The following GALC variants were observed in gnomAD, a reference collection of about 807,000 sequenced individuals.
The protein encoded by GALC is galactocerebrosidase.
Under a neutral mutation model 91.8 loss-of-function variants are expected in GALC, and 77 were observed. The observed-to-expected ratio is 0.84, with a 90% CI of 0.70 to 1.01. The LOEUF is 1.01. Ranked by LOEUF, GALC falls within the 50% of genes least tolerant of loss-of-function variation. GALC has a pLI of 0.00. For missense variants in GALC, 882 were observed against 855.9 expected (o/e 1.03, Z -0.38); for synonymous variants, 357 against 306.7 (o/e 1.16, Z -1.71).
intron 14 of GALC, among the ~76,000 whole-genome samples, chr14:87,943,481 A>G (rs531433900): frequency 6.6e-6 from 1 of 152,142 alleles, no homozygotes; most frequent in Admixed American, 6.5e-5. Context: ...AAACTAAACA[A>G]ATTTCTCATT....
chr14:87,939,864 A>G (rs781025184), intron 16 of GALC, 41 bp downstream of exon 16: 11 of 1,302,262 alleles, frequency 8.4e-6, no homozygotes, highest in Non-Finnish European at 1.2e-5. Flanking sequence ...ATGCACAACA[A>G]AAGAGCATTT....
In GALC at chr14:87,936,921, T is replaced by TATATATATATATATATATATATATATATA. The variant is rs1176265523; in HGVS notation, c.1912-2044_1912-2043insTATATATATATATATATATATATATATAT. Among the ~76,000 whole-genome samples, 23 of 141,164 alleles carry TATATATATATATATATATATATATATATA rather than the reference T, an allele frequency of 1.6e-4. 1 individual carries two copies. Among genetic ancestry groups the TATATATATATATATATATATATATATATA allele is most frequent in the African/African-American group, 5.1e-4 (19 of 37,458 alleles). 92.6% of individuals were successfully genotyped at this position (141,164 alleles called of 152,430 possible). A position where few individuals can be genotyped will look rare whatever the true frequency, so the allele number is the denominator to read the frequency against. On this transcript the variant is annotated intron_variant, in intron 16 of 16. Coordinates refer to ENST00000261304, the MANE Select transcript of GALC (RefSeq NM_000153.4). ...CTATATATATATATATATTTATTTA[T>TATATATATATATATATATATATATATATA]TTTCTCATTGAATCTTCATAAGAAA... is the stretch of plus-strand genomic sequence containing the variant.
chr14:87,940,057 T>A, intron 15 of GALC, 76 bp from the exon 16 acceptor site: 2 of 1,160,172 alleles, frequency 1.7e-6, no homozygotes, highest in Non-Finnish European at 2.6e-6. Flanking sequence ...TCAGTGGGGT[T>A]CTTGAGTGGC....
intron 1 of GALC, among the ~76,000 whole-genome samples, chr14:87,991,647 T>G (rs1887205965): frequency 6.6e-6 from 1 of 152,242 alleles, no homozygotes; most frequent in African/African-American, 2.4e-5. Context: ...GCAAATATAA[T>G]GTTGCAAGAA....
chr14:87,963,979 T>C (rs540752569), intron 9 of GALC, among the ~76,000 whole-genome samples: 1 of 152,272 alleles, frequency 6.6e-6, no homozygotes, highest in East Asian at 1.9e-4. Context: ...CAATATACCA[T>C]GTCCCAACCC....
At chr14:87,941,093 C>T (rs1884827788) in intron 15 of GALC, among the ~76,000 whole-genome samples, 1 of 151,950 alleles carries the variant, frequency 6.6e-6, no homozygotes, top group South Asian at 2.1e-4. Context: ...CCTACCACCA[C>T]TACCTCAGAT....
chr14:87,951,869 A>G lies in GALC; in HGVS notation c.1162-1121T>C, dbSNP rs1885322792. 2.0e-5 allele frequency among the ~76,000 whole-genome samples: 3 copies of G among 152,004 alleles called. No homozygotes were observed. In the South Asian group the frequency reaches 6.2e-4, roughly 32 times the overall value. On this transcript the variant is annotated intron_variant, in intron 10 of 16. Transcript: ENST00000261304. ...GACATTTACAGCACTAAATACCTAG[A>G]TTAGAAACCAAGAAAGGATTTGAGA...
At chr14:87,936,897 T>C (rs895568137) in intron 16 of GALC, among the ~76,000 whole-genome samples, 8 of 8,032 alleles carry the variant, frequency 1.0e-3, no homozygotes, top group African/African-American at 1.3e-3. Flanking sequence ...TATCAGGTAC[T>C]ATATATATAT....
chr14:87,984,724 TATTG>T (rs1886899306), intron 4 of GALC, among the ~76,000 whole-genome samples, 191 bp from the exon 5 acceptor site: 1 of 152,228 alleles, frequency 6.6e-6, no homozygotes, highest in South Asian at 2.1e-4. Flanking sequence ...TATAATTCCT[TATTG>T]ATCCCTAGAG....
rs1595183313 is a variant in GALC, at chr14:87,934,596, C to A, written c.*136G>T. 5 of 1,521,728 alleles carry A rather than the reference C, an allele frequency of 3.3e-6. No homozygotes were observed. Among genetic ancestry groups the A allele is most frequent in the East Asian group, 2.4e-5 (1 of 41,468 alleles). The allele number at this position is 1,521,728 out of a possible 1,614,324, so 94.3% of individuals were successfully genotyped here. A position where few individuals can be genotyped will look rare whatever the true frequency, so the allele number is the denominator to read the frequency against. On this transcript the variant is annotated 3_prime_UTR_variant, in exon 17 of 17. Coordinates refer to ENST00000261304, the MANE Select transcript of GALC (RefSeq NM_000153.4). ...CACAGGGTAAATTAAAAATAAATTT[C>A]TCTCCCCTTTTACTCTTCATTATTT...
chr14:87,970,902 T>C (rs1255020596), intron 7 of GALC, among the ~76,000 whole-genome samples: 1 of 145,740 alleles, frequency 6.9e-6, no homozygotes, highest in African/African-American at 2.6e-5. Flanking sequence ...AAAAAGAATA[T>C]AAATTTTTAA....
chr14:87,938,479 T>C (rs1292791181), intron 16 of GALC, among the ~76,000 whole-genome samples: 1 of 151,984 alleles, frequency 6.6e-6, no homozygotes, highest in Non-Finnish European at 1.5e-5. Context: ...AACATCAATA[T>C]GGAGAACAGA....
intron 1 of GALC, among the ~76,000 whole-genome samples, chr14:87,990,144 C>A (rs1288397361): frequency 2.0e-5 from 3 of 152,164 alleles, no homozygotes; most frequent in African/African-American, 7.2e-5. Context: ...TGAACCCCGG[C>A]ACTCCTTTAT....
intron 5 of GALC, among the ~76,000 whole-genome samples, chr14:87,983,932 T>C (rs1046454784): frequency 3.9e-5 from 6 of 152,206 alleles, no homozygotes; most frequent in African/African-American, 9.6e-5. Flanking sequence ...TACCTCAAGA[T>C]CCTCAATATT....
intron 1 of GALC, chr14:87,992,486 C>T: frequency 1.3e-6 from 2 of 1,528,008 alleles, no homozygotes; most frequent in South Asian, 2.4e-5. Flanking sequence ...CTGCACGGGA[C>T]TTAACGACTC....
In GALC at chr14:87,945,650, C is replaced by T. The variant is rs146286491; in HGVS notation, c.1573G>A (p.Glu525Lys). 152 of 1,611,306 alleles carry T rather than the reference C, an allele frequency of 9.4e-5. 1 individual carries two copies. The East Asian group carries it at 2.1e-3, about 22-fold the overall frequency. Residue 525 changes from glutamate (E) to lysine (K), a missense_variant, in exon 14 of 17, where the codon GAG becomes AAG. By Grantham distance (56) the Glu-to-Lys change is moderately conservative (BLOSUM62 1). Transcript: ENST00000261304. ...ACTTGGCGTAGCGTGAAGTGATGCTCGCCAGGGTCTTCAATATTTGTAAAA... is the reference window on the plus strand; with the variant it reads ...ACTTGGCGTAGCGTGAAGTGATGCTTGCCAGGGTCTTCAATATTTGTAAAA... ...EYFTNIEDPGEHHFTLRQVLN... is the reference protein window; with the variant it reads ...EYFTNIEDPGKHHFTLRQVLN...
intron 1 of GALC, among the ~76,000 whole-genome samples, chr14:87,989,006 C>A (rs180766830): frequency 2.6e-5 from 4 of 152,280 alleles, no homozygotes; most frequent in Non-Finnish European, 4.4e-5. Flanking sequence ...CCAGACCAGG[C>A]TGTACTAAGA....
rs546929159 is a variant in GALC, at chr14:87,965,693, A to G, written c.909-64T>C. ...GTGATAAAAATGTAAATGTCTAAAAACCTGGAGTAAAAAGACTTTATCATA... is the reference window on the plus strand; with the variant it reads ...GTGATAAAAATGTAAATGTCTAAAAGCCTGGAGTAAAAAGACTTTATCATA... On this transcript the variant is annotated intron_variant, in intron 8 of 16. Transcript: ENST00000261304. 13 of 1,549,146 alleles carry G rather than the reference A, an allele frequency of 8.4e-6. No individual in the cohort carries two copies. In the African/African-American group the frequency reaches 1.1e-4, roughly 13 times the overall value.
chr14:87,957,396 T>C (rs918519208), intron 10 of GALC, among the ~76,000 whole-genome samples: 1 of 152,192 alleles, frequency 6.6e-6, no homozygotes, highest in African/African-American at 2.4e-5. Context: ...GGTCTTAGAT[T>C]GAAGCCTTTA....
Sources: gnomAD v4.1 joint callset for allele counts (sites outside exome capture counted in the v4.1 genomes callset) on GRCh38, gnomAD v4.1.1 for gene constraint, MANE v1.5 for transcripts, NCBI Gene and HGNC (gene_info 2026-07-23, HGNC 2026-07-21) for gene names.